The following PREX2 variants were observed in gnomAD, a reference collection of about 807,000 sequenced individuals.
PREX2 encodes the protein phosphatidylinositol-3,4,5-trisphosphate dependent Rac exchange factor 2.
PREX2 carries 107 observed loss-of-function variants against 203.2 expected under a neutral mutation model. The observed-to-expected ratio is 0.53, with a 90% CI of 0.45 to 0.62. The LOEUF (loss-of-function observed/expected upper bound fraction) is 0.62, where lower values mean the gene tolerates loss of function less well. Among genes scored for constraint, PREX2 ranks in the 20% least tolerant of loss-of-function variants. The probability of loss-of-function intolerance (pLI) is 0.00; values close to 1 mark genes in which losing one functional copy is unlikely to be tolerated. For synonymous variants in PREX2, 672 were observed against 663.6 expected, an observed-to-expected ratio of 1.01 and a Z score of -0.19; for missense variants, 1,777 against 1,955.9, an observed-to-expected ratio of 0.91 and a Z score of 1.72.
intron 32 of PREX2, among the ~76,000 whole-genome samples, chr8:68,134,849 A>G (rs1811081664): frequency 6.6e-6 from 1 of 152,230 alleles, no homozygotes; most frequent in Non-Finnish European, 1.5e-5. Context: ...TCCACAGTGG[A>G]TATGATGAAA....
chr8:68,105,412 C>T (rs557222789), intron 23 of PREX2: 3 of 1,281,902 alleles, frequency 2.3e-6, no homozygotes, highest in South Asian at 1.3e-5. Context: ...GTACACAGCC[C>T]TTCCTAGCAT....
intron 1 of PREX2, among the ~76,000 whole-genome samples, chr8:68,002,088 T>TA (rs35621636): frequency 0.68 from 99,842 of 146,394 alleles, 34,139 homozygotes; most frequent in South Asian, 0.81. Context: ...AAAATAAACT[T>TA]AAAAAAAAAA....
chr8:68,025,865 A>G (rs1375865146), intron 4 of PREX2, among the ~76,000 whole-genome samples: 2 of 152,112 alleles, frequency 1.3e-5, no homozygotes, highest in African/African-American at 4.8e-5. Context: ...CGCAATCTAT[A>G]CAGTACTAAT....
chr8:68,019,021 CCAGA>C (rs1807486884), intron 2 of PREX2, among the ~76,000 whole-genome samples: 4 of 152,148 alleles, frequency 2.6e-5, no homozygotes. Flanking sequence ...ATCAGGGACT[CCAGA>C]CAGAGGAGAA....
chr8:68,228,997 T>C (rs902177121), intron 39 of PREX2, among the ~76,000 whole-genome samples: 1 of 147,070 alleles, frequency 6.8e-6, no homozygotes, highest in African/African-American at 2.6e-5. Context: ...GTGACCTTAT[T>C]TAGTCAGGAG....
chr8:68,050,422 G>A (rs1808493278), intron 8 of PREX2, among the ~76,000 whole-genome samples: 1 of 151,974 alleles, frequency 6.6e-6, no homozygotes, highest in South Asian at 2.1e-4. Context: ...ATGAGAGAGG[G>A]GTGGGGGAGG....
intron 3 of PREX2, among the ~76,000 whole-genome samples, chr8:68,020,084 C>T (rs577870021): frequency 6.6e-6 from 1 of 151,654 alleles, no homozygotes; most frequent in Admixed American, 6.6e-5. Context: ...CAACTTGTGA[C>T]AAACCTGGAG....
At chr8:68,066,955 A>T (rs1379407430) in intron 11 of PREX2, among the ~76,000 whole-genome samples, 1 of 152,062 alleles carries the variant, frequency 6.6e-6, no homozygotes, top group Admixed American at 6.5e-5. Flanking sequence ...GTAGATATCC[A>T]GTTTTCCCAG....
intron 30 of PREX2, among the ~76,000 whole-genome samples, chr8:68,124,543 G>A (rs1810849788): frequency 6.6e-6 from 1 of 152,030 alleles, no homozygotes; most frequent in African/African-American, 2.4e-5. Flanking sequence ...ATGGGTATTA[G>A]GCTTAATACC....
chr8:68,126,078 C>A (rs997888881), intron 30 of PREX2, among the ~76,000 whole-genome samples: 5 of 152,204 alleles, frequency 3.3e-5, no homozygotes, highest in African/African-American at 1.2e-4. Flanking sequence ...CAATCTCAGT[C>A]TCTTAATGAT....
chr8:67,952,558 G>C (rs894151602), intron 1 of PREX2, 23 bp downstream of exon 1: 43 of 1,603,286 alleles, frequency 2.7e-5, no homozygotes, highest in Non-Finnish European at 3.7e-5. Flanking sequence ...GGCAGACGCA[G>C]GGGGACGTCC....
In PREX2 at chr8:68,231,885, C is replaced by T. The variant is rs1439285159; in HGVS notation, c.*507C>T. 6.5e-6 allele frequency: 1 copy of T among 153,388 alleles called. No homozygotes were observed. The highest frequency in any genetic ancestry group is 2.4e-5 in the African/African-American group (1 of 41,432). 9.5% of individuals were successfully genotyped at this position (153,388 alleles called of 1,614,324 possible). On this transcript the variant is annotated 3_prime_UTR_variant, in exon 40 of 40. Transcript: ENST00000288368. ...AGACTGTGTGCTATACATTTTCAGTCCCCCATTTGCAAGAGAGAAAGTCAT... is the reference window on the plus strand; with the variant it reads ...AGACTGTGTGCTATACATTTTCAGTTCCCCATTTGCAAGAGAGAAAGTCAT...
At chr8:67,963,633 A>G (rs7835569) in intron 1 of PREX2, among the ~76,000 whole-genome samples, 152,211 of 152,246 alleles carry the variant, frequency 1, 76,089 homozygotes, top group Middle Eastern at 1. Context: ...GTTTTCAATA[A>G]TTATACTTTA....
At position 68,165,958 on chromosome 8, in the gene PREX2, T is replaced by G. The variant is rs185310812; in HGVS notation, c.4346+8522T>G. On this transcript the variant is annotated intron_variant, in intron 35 of 39. Coordinates refer to ENST00000288368, the MANE Select transcript of PREX2 (RefSeq NM_024870.4). ...TTCAAAAATAGGAAAGTATCTGCAA[T>G]GTTTTAAAGCATGCTGTGTAAAACC... Among the ~76,000 whole-genome samples the G allele has an allele frequency of 4.6e-5, 7 of 152,310 alleles. No homozygotes were observed. In the East Asian group the frequency reaches 1.2e-3, roughly 25 times the overall value.
chr8:68,229,288 A>G (rs1813119928), intron 39 of PREX2, among the ~76,000 whole-genome samples: 1 of 152,164 alleles, frequency 6.6e-6, no homozygotes, highest in Non-Finnish European at 1.5e-5. Flanking sequence ...TTTTTCGTGC[A>G]GGGCCACTGA....
At chr8:67,984,641 A>G (rs1248793733) in intron 1 of PREX2, among the ~76,000 whole-genome samples, 1 of 152,168 alleles carries the variant, frequency 6.6e-6, no homozygotes, top group Non-Finnish European at 1.5e-5. Flanking sequence ...ATTCAGTGCC[A>G]AAGATCTGTT....
intron 37 of PREX2, among the ~76,000 whole-genome samples, chr8:68,201,677 T>G (rs978735622): frequency 3.3e-5 from 5 of 152,104 alleles, no homozygotes; most frequent in African/African-American, 1.2e-4. Flanking sequence ...AATGTTAATC[T>G]CTTTTGGCAA....
At chr8:68,135,906 G>A (rs1811105680) in intron 32 of PREX2, among the ~76,000 whole-genome samples, 1 of 152,102 alleles carries the variant, frequency 6.6e-6, no homozygotes, top group South Asian at 2.1e-4. Flanking sequence ...AAATGGAATG[G>A]AGTACTGATA....
chr8:68,163,155 G>A (rs1585837937), intron 35 of PREX2, among the ~76,000 whole-genome samples: 1 of 152,144 alleles, frequency 6.6e-6, no homozygotes. Flanking sequence ...AAAAAAAGAT[G>A]TGTACACATG....
Sources: allele counts gnomAD v4.1 joint callset (sites outside exome capture counted in the v4.1 genomes callset), GRCh38; gene constraint gnomAD v4.1.1; transcripts MANE v1.5; gene names NCBI Gene and HGNC (gene_info 2026-07-23, HGNC 2026-07-21).